PCDHGA10: variants seen among roughly 807,000 people sequenced by gnomAD.
The protein encoded by PCDHGA10 is protocadherin gamma-A10.
PCDHGA10 carries 42 observed loss-of-function variants against 59.5 expected under a neutral mutation model. That is an observed-to-expected ratio of 0.71 (90% confidence interval 0.55 to 0.91). PCDHGA10 has a LOEUF of 0.91. Among genes scored for constraint, PCDHGA10 ranks in the 40% least tolerant of loss-of-function variants. The pLI is 0.00. For synonymous variants in PCDHGA10, 511 were observed against 517.2 expected (o/e 0.99, Z 0.16); for missense variants, 1,111 against 1,198.2 (o/e 0.93, Z 1.07).
At chr5:141,509,631 C>A (rs1250891268) in intron 3 of PCDHGA10, among the ~76,000 whole-genome samples, 1 of 152,200 alleles carries the variant, frequency 6.6e-6, no homozygotes, top group East Asian at 1.9e-4. Flanking sequence ...CTGGGTGATG[C>A]TGAGCCAGGG....
chr5:141,413,488 C>T lies in PCDHGA10; in HGVS notation c.313C>T (p.Arg105Trp), dbSNP rs2095648022. The T allele has an allele frequency of 3.1e-6, 5 of 1,613,868 alleles. No homozygotes were observed. Among genetic ancestry groups the T allele is most frequent in the Non-Finnish European group, 3.4e-6 (4 of 1,179,946 alleles). ...GGAGGAGCTCTGCGCTCAGAGCGCGCGGTGCGTGGTGAGTTTTAATATCCT... is the reference window on the plus strand; with the variant it reads ...GGAGGAGCTCTGCGCTCAGAGCGCGTGGTGCGTGGTGAGTTTTAATATCCT... ...DREELCAQSARCVVSFNILVE... is the reference protein window; with the variant it reads ...DREELCAQSAWCVVSFNILVE... Residue 105 changes from arginine (R) to tryptophan (W), a missense_variant, in exon 1 of 4, where the codon CGG (arginine) becomes TGG (tryptophan). Arg to Trp is a moderately radical substitution (Grantham distance 101). Transcript: ENST00000398610.
chr5:141,459,404 G>C (rs2098967432), intron 1 of PCDHGA10, among the ~76,000 whole-genome samples: 1 of 152,182 alleles, frequency 6.6e-6, no homozygotes, highest in Non-Finnish European at 1.5e-5. Flanking sequence ...GAGCAGTATT[G>C]CATTGTGTGG....
At chr5:141,503,804 G>A (rs2099831736) in intron 2 of PCDHGA10, among the ~76,000 whole-genome samples, 1 of 152,034 alleles carries the variant, frequency 6.6e-6, no homozygotes, top group South Asian at 2.1e-4. Flanking sequence ...TAGGGACGGG[G>A]AATCCCAGAT....
chr5:141,432,919 C>T lies in PCDHGA10; in HGVS notation c.2436+17308C>T. ...TGGCGCTCAGGCTGCGGCGCTGGCACAAGTCACGCCTGCTGCAGGCTTCAG... is the reference window on the plus strand; with the variant it reads ...TGGCGCTCAGGCTGCGGCGCTGGCATAAGTCACGCCTGCTGCAGGCTTCAG... On this transcript the variant is annotated intron_variant, in intron 1 of 3. Coordinates refer to ENST00000398610, the MANE Select transcript of PCDHGA10 (RefSeq NM_018913.3). The surrounding 1 kb of genome is among the most constrained non-coding windows in gnomAD (Gnocchi z 6.0). The T allele has an allele frequency of 2.5e-6, 4 of 1,614,210 alleles. No individual in the cohort carries two copies. Among genetic ancestry groups the T allele is most frequent in the Non-Finnish European group, 3.4e-6 (4 of 1,180,040 alleles).
At chr5:141,428,114 C>CG in intron 1 of PCDHGA10, 2 of 1,607,202 alleles carry the variant, frequency 1.2e-6, no homozygotes, top group Non-Finnish European at 1.7e-6. Flanking sequence ...TGCAGGCCAT[C>CG]GAGCCCGGGC....
chr5:141,501,439 C>G (rs1245306644), intron 2 of PCDHGA10, among the ~76,000 whole-genome samples: 1 of 151,978 alleles, frequency 6.6e-6, no homozygotes, highest in Non-Finnish European at 1.5e-5. Context: ...TCCATTTCTT[C>G]CATTTTTACT....
At position 141,430,782 on chromosome 5, in the gene PCDHGA10, G is replaced by C. The variant is rs1220976669; in HGVS notation, c.2436+15171G>C. 2.0e-6 allele frequency: 3 copies of C among 1,510,858 alleles called. No individual in the cohort carries two copies. The East Asian group carries it at 6.9e-5, about 35-fold the overall frequency. 93.6% of individuals were successfully genotyped at this position (1,510,858 alleles called of 1,614,324 possible). A position where few individuals can be genotyped will look rare whatever the true frequency, so the allele number is the denominator to read the frequency against. ...AGAATGATTCCTGCGCGACTGCACC[G>C]GGACTACAAAGGGCTTGTCCTGCTG... On this transcript the variant is annotated intron_variant, in intron 1 of 3. Coordinates refer to ENST00000398610, the MANE Select transcript of PCDHGA10 (RefSeq NM_018913.3).
Position 141,443,253 on chromosome 5 carries a change from G to A in PCDHGA10, c.2436+27642G>A, listed in dbSNP as rs192939862. 1.8e-4 allele frequency among the ~76,000 whole-genome samples: 28 copies of A among 152,214 alleles called. No individual in the cohort carries two copies. The Middle Eastern group carries it at 0.014, about 74-fold the overall frequency. On this transcript the variant is annotated intron_variant, in intron 1 of 3. Transcript: ENST00000398610. Reference sequence around the variant, plus strand: ...CTTAGCACTTTGGGGCGCCAAGGCGGGTGGATCACTTGAGCCCAGGAGTTT... The same window carrying A: ...CTTAGCACTTTGGGGCGCCAAGGCGAGTGGATCACTTGAGCCCAGGAGTTT...
Position 141,423,433 on chromosome 5 carries a change from A to G in PCDHGA10, c.2436+7822A>G, listed in dbSNP as rs746170494. ...GGCTTCTGAAGGCGGGTTGGCAGGT[A>G]TGCCCACGTCACATTTTGTAGGCGT... On this transcript the variant is annotated intron_variant, in intron 1 of 3. Coordinates refer to ENST00000398610, the MANE Select transcript of PCDHGA10 (RefSeq NM_018913.3). 3.1e-6 allele frequency: 5 copies of G among 1,614,010 alleles called. No homozygotes were observed. The East Asian group carries it at 8.9e-5, about 29-fold the overall frequency.
chr5:141,450,556 G>A lies in PCDHGA10; in HGVS notation c.2436+34945G>A, dbSNP rs534127421. Among the ~76,000 whole-genome samples, 5 of 151,822 alleles carry A rather than the reference G, an allele frequency of 3.3e-5. 1 individual carries two copies. Among genetic ancestry groups the A allele is most frequent in the South Asian group, 2.1e-4 (1 of 4,804 alleles). On this transcript the variant is annotated intron_variant, in intron 1 of 3. Transcript: ENST00000398610. ...GGCTGGAATGCAGTGGCGCAGTCTCGGCTCACTGCAACTTCTGCCTCCCAG... is the reference window on the plus strand; with the variant it reads ...GGCTGGAATGCAGTGGCGCAGTCTCAGCTCACTGCAACTTCTGCCTCCCAG...
At position 141,422,030 on chromosome 5, in the gene PCDHGA10, C is replaced by T. The variant is rs1404612424; in HGVS notation, c.2436+6419C>T. ...ACTCGGGTGCTGATGGTTAATGCAA[C>T]GGATCCAGACGAGGGAATCAACGGG... On this transcript the variant is annotated intron_variant, in intron 1 of 3. Coordinates refer to ENST00000398610, the MANE Select transcript of PCDHGA10 (RefSeq NM_018913.3). 3 of 1,609,592 alleles carry T rather than the reference C, an allele frequency of 1.9e-6. No homozygotes were observed. The South Asian group carries it at 3.3e-5, about 18-fold the overall frequency.
chr5:141,423,082 G>T (rs1390567548), intron 1 of PCDHGA10: 3 of 1,614,078 alleles, frequency 1.9e-6, no homozygotes, highest in Non-Finnish European at 2.5e-6. Context: ...GGGACTCTTC[G>T]CGGTGGGGGA....
rs758066525 is a variant in PCDHGA10, at chr5:141,477,331, T to C, written c.2437-17476T>C. The C allele has an allele frequency of 7.4e-6, 12 of 1,614,024 alleles. No individual in the cohort carries two copies. In the East Asian group the frequency reaches 1.1e-4, roughly 15 times the overall value. Reference sequence around the variant, plus strand: ...TCAGCCTTACTTCTTCCCTCAAGAATTACTTCACTTTGAAAACCAGTGCAG... The same window carrying C: ...TCAGCCTTACTTCTTCCCTCAAGAACTACTTCACTTTGAAAACCAGTGCAG... On this transcript the variant is annotated intron_variant, in intron 1 of 3. Coordinates refer to ENST00000398610, the MANE Select transcript of PCDHGA10 (RefSeq NM_018913.3). This position sits in a 1 kb window ranked among gnomAD's most constrained non-coding sequence, Gnocchi z 4.9.
chr5:141,444,093 G>A (rs531514787), intron 1 of PCDHGA10, among the ~76,000 whole-genome samples: 1 of 147,730 alleles, frequency 6.8e-6, no homozygotes, highest in East Asian at 2.0e-4. Flanking sequence ...GTCTGCTAAG[G>A]ATTGGAAACC....
intron 2 of PCDHGA10, 22 bp from the exon 3 acceptor site, chr5:141,505,371 C>G: frequency 1.2e-6 from 2 of 1,613,980 alleles, no homozygotes; most frequent in Non-Finnish European, 1.7e-6. Context: ...AGTCTGTGCT[C>G]ACCATCCTAC....
chr5:141,510,833 C>T (rs2099882936), intron 3 of PCDHGA10, 114 bp from the exon 4 acceptor site: 46 of 1,577,678 alleles, frequency 2.9e-5, no homozygotes, highest in South Asian at 2.5e-4. Context: ...CAGTGCTCAG[C>T]GTGGTCAAGG....
In PCDHGA10 at chr5:141,491,727, G is replaced by C; in HGVS notation, c.2437-3080G>C. On this transcript the variant is annotated intron_variant, in intron 1 of 3. Transcript: ENST00000398610. This position sits in a 1 kb window ranked among gnomAD's most constrained non-coding sequence, Gnocchi z 6.9. ...TGAGGGGCTCGGCGCCGCCCCGGGC[G>C]ACCCCTGGGGGCGGCACTGGAGAAG... 6.2e-7 allele frequency: 1 copy of C among 1,604,916 alleles called. No individual in the cohort carries two copies. The highest frequency in any genetic ancestry group is 8.5e-7 in the Non-Finnish European group (1 of 1,176,284).
chr5:141,433,098 T>G, intron 1 of PCDHGA10: 1 of 1,614,204 alleles, frequency 6.2e-7, no homozygotes, highest in Non-Finnish European at 8.5e-7. Context: ...GACATGCTCG[T>G]CAGCCAGGAG....
At chr5:141,482,074 A>G (rs1349748840) in intron 1 of PCDHGA10, among the ~76,000 whole-genome samples, 2 of 142,830 alleles carry the variant, frequency 1.4e-5, no homozygotes, top group Non-Finnish European at 3.0e-5. Context: ...AACAAGAACA[A>G]AACTCACTCC....
Sources: gnomAD v4.1 joint callset for allele counts (sites outside exome capture counted in the v4.1 genomes callset) on GRCh38, gnomAD v4.1.1 for gene constraint, Gnocchi (gnomAD v3.1) non-coding constraint, MANE v1.5 for transcripts, NCBI Gene and HGNC (gene_info 2026-07-23, HGNC 2026-07-21) for gene names.